The following BLOC1S3 variants were observed in gnomAD, a reference collection of about 807,000 sequenced individuals.
BLOC1S3 encodes the protein biogenesis of lysosomal organelles complex 1 subunit 3, also known as biogenesis of lysosome-related organelles complex 1 subunit 3.
Under a neutral mutation model 9.1 loss-of-function variants are expected in BLOC1S3, and 7 were observed. The ratio of observed to expected loss-of-function variants is 0.77; its 90% CI spans 0.44 to 1.45. BLOC1S3 has a LOEUF of 1.45. Among genes scored for constraint, BLOC1S3 ranks in the 40% most tolerant of loss-of-function variants. The pLI, the probability that BLOC1S3 is intolerant of heterozygous loss-of-function variation, is 0.01. For synonymous variants in BLOC1S3, 145 were observed against 158.4 expected, an observed-to-expected ratio of 0.92 and a Z score of 0.64; for missense variants, 307 against 315.2, an observed-to-expected ratio of 0.97 and a Z score of 0.20.
At chr19:45,209,992 C>A (rs1299039601) in intron 3 of BLOC1S3, among the ~76,000 whole-genome samples, 1 of 152,136 alleles carries the variant, frequency 6.6e-6, no homozygotes, top group Non-Finnish European at 1.5e-5. Context: ...AGCCACCTCC[C>A]AAAGTGCTGG....
chr19:45,186,788 A>AT (rs1465011540), downstream of BLOC1S3, among the ~76,000 whole-genome samples: 3 of 152,192 alleles, frequency 2.0e-5, no homozygotes, highest in Non-Finnish European at 4.4e-5. Context: ...TTACTGGGAC[A>AT]TTGGAGGCCC....
intron 3 of BLOC1S3, among the ~76,000 whole-genome samples, chr19:45,210,139 T>C (rs939652933): frequency 2.0e-5 from 3 of 152,060 alleles, no homozygotes; most frequent in African/African-American, 7.2e-5. Flanking sequence ...AAGTCCAAAA[T>C]AGGTAGATTA....
intron 3 of BLOC1S3, among the ~76,000 whole-genome samples, chr19:45,204,486 C>T (rs543933735): frequency 3.3e-5 from 5 of 152,228 alleles, no homozygotes; most frequent in African/African-American, 1.2e-4. Flanking sequence ...AGCTACTGCA[C>T]CCTGCCAAAT....
chr19:45,208,164 G>A (rs987855152), intron 3 of BLOC1S3, among the ~76,000 whole-genome samples: 2 of 149,550 alleles, frequency 1.3e-5, no homozygotes, highest in South Asian at 2.1e-4. Context: ...TAGTAGAGAC[G>A]GGTTTTGCCA....
chr19:45,216,438 G>A (rs1274347050), intron 3 of BLOC1S3, among the ~76,000 whole-genome samples: 2 of 152,032 alleles, frequency 1.3e-5, no homozygotes, highest in Non-Finnish European at 2.9e-5. Flanking sequence ...AATTAGCCAG[G>A]CGTGGTGGTG....
At chr19:45,200,227 G>C (rs1208367309) in intron 2 of BLOC1S3, among the ~76,000 whole-genome samples, 2 of 147,180 alleles carry the variant, frequency 1.4e-5, no homozygotes, top group African/African-American at 5.0e-5. Context: ...TGTCGCCCAG[G>C]CTGGGGTGCA....
chr19:45,190,755 A>C (rs898913141), intron 2 of BLOC1S3, among the ~76,000 whole-genome samples: 1 of 116,108 alleles, frequency 8.6e-6, no homozygotes, highest in Non-Finnish European at 2.0e-5. Flanking sequence ...CTGTCTCTCT[A>C]TGATTGGTCA....
intron 2 of BLOC1S3, among the ~76,000 whole-genome samples, chr19:45,197,824 C>CAA (rs55654938): frequency 7.1e-3 from 449 of 63,146 alleles, no homozygotes; most frequent in East Asian, 9.6e-3. Context: ...GACTCCGTCT[C>CAA]AAAAAAAAAA....
intron 2 of BLOC1S3, among the ~76,000 whole-genome samples, chr19:45,199,747 CCTCCT>C (rs921301210): frequency 6.6e-6 from 1 of 151,366 alleles, no homozygotes; most frequent in African/African-American, 2.4e-5. Context: ...CTTCTCTTCT[CCTCCT>C]CTCCTCTCCT....
intron 3 of BLOC1S3, among the ~76,000 whole-genome samples, chr19:45,216,506 G>A (rs1969836684): frequency 6.6e-6 from 1 of 152,084 alleles, no homozygotes; most frequent in African/African-American, 2.4e-5. Context: ...TTGAAATCGA[G>A]AGGCAGAGGT....
chr19:45,196,114 AAC>A (rs1416150092), intron 2 of BLOC1S3, among the ~76,000 whole-genome samples: 1 of 152,236 alleles, frequency 6.6e-6, no homozygotes, highest in Non-Finnish European at 1.5e-5. Context: ...CTTGGAAAGA[AAC>A]ACATTTCCAG....
At chr19:45,189,793 AC>A (rs1159413892) in intron 2 of BLOC1S3, among the ~76,000 whole-genome samples, 5 of 151,736 alleles carry the variant, frequency 3.3e-5, no homozygotes, top group Non-Finnish European at 5.9e-5. Flanking sequence ...ACATTTGAAT[AC>A]CGATATCCTT....
rs189288588 is a variant in BLOC1S3 at position 45,211,875 on chromosome 19, G to A, written n.283-4801G>A. Among the ~76,000 whole-genome samples the A allele has an allele frequency of 3.8e-4, 58 of 152,210 alleles. No homozygotes were observed. In the East Asian group the frequency reaches 6.8e-3, roughly 18 times the overall value. ...ATCCATCACGGGCTGTCCAGCCCAG[G>A]CCGGAGGGGCAGGAGTCAGCAGGGA... On this transcript the variant is annotated intron_variant and non_coding_transcript_variant, in intron 3 of 3. Transcript: ENST00000591569.
intron 3 of BLOC1S3, chr19:45,213,252 T>C (rs1438968753): frequency 6.2e-7 from 1 of 1,612,994 alleles, no homozygotes; most frequent in Admixed American, 1.7e-5. Context: ...GTGACAGGGC[T>C]CCCTCCTCAG....
At position 45,179,801 on chromosome 19, in the gene BLOC1S3, G is replaced by T. The variant is rs200799185; in HGVS notation, c.505G>T (p.Ala169Ser). ...SVRLARGDLC[A>S]LAERLDIVAG... ...GCGCCTGGCGCGCGGGGACCTTTGTGCGCTGGCCGAGCGTCTGGACATCGT... is the reference window on the plus strand; with the variant it reads ...GCGCCTGGCGCGCGGGGACCTTTGTTCGCTGGCCGAGCGTCTGGACATCGT... Residue 169 changes from alanine (A) to serine (S), a missense_variant, in exon 2 of 2, where the codon GCG becomes TCG. Ala to Ser is a moderately conservative substitution (Grantham distance 99, BLOSUM62 1). Coordinates refer to ENST00000433642, the MANE Select transcript of BLOC1S3 (RefSeq NM_212550.5). The surrounding 1 kb of genome is among the most constrained non-coding windows in gnomAD (Gnocchi z 4.6). 1.2e-4 allele frequency: 196 copies of T among 1,600,578 alleles called. No homozygotes were observed. Among genetic ancestry groups the T allele is most frequent in the Non-Finnish European group, 1.6e-4 (188 of 1,176,042 alleles).
intron 3 of BLOC1S3, among the ~76,000 whole-genome samples, chr19:45,206,623 AT>A (rs77449388): frequency 0.41 from 55,240 of 133,362 alleles, 12,339 homozygotes; most frequent in African/African-American, 0.62. Context: ...ACCTAGTTAA[AT>A]TTTTTTTTTT....
chr19:45,183,493 G>A (rs564589315), downstream of BLOC1S3, among the ~76,000 whole-genome samples: 3 of 150,832 alleles, frequency 2.0e-5, no homozygotes, highest in Non-Finnish European at 4.4e-5. Context: ...AAAAAAAGTA[G>A]GTGCGGATCA....
rs201441961 is a variant in BLOC1S3 at position 45,179,786 on chromosome 19, C to T, written c.490C>T (p.Arg164Cys). ...LAAAHSVRLA[R>C]GDLCALAERL... is the part of the protein sequence containing the mutation. ...GGCGGCCCACAGCGTGCGCCTGGCG[C>T]GCGGGGACCTTTGTGCGCTGGCCGA... Residue 164 changes from arginine to cysteine, a missense_variant, in exon 2 of 2, where the codon CGC becomes TGC. Coordinates refer to ENST00000433642, the MANE Select transcript of BLOC1S3 (RefSeq NM_212550.5). This position sits in a 1 kb window ranked among gnomAD's most constrained non-coding sequence, Gnocchi z 4.6. 1.0e-4 allele frequency: 159 copies of T among 1,575,456 alleles called. No individual in the cohort carries two copies. In the African/African-American group the frequency reaches 2.0e-3, roughly 20 times the overall value.
At chr19:45,216,375 T>A (rs2122955192) in intron 3 of BLOC1S3, among the ~76,000 whole-genome samples, 1 of 152,086 alleles carries the variant, frequency 6.6e-6, no homozygotes, top group Non-Finnish European at 1.5e-5. Flanking sequence ...GGTCAGGACA[T>A]CGAGACCAAC....
Sources: allele counts gnomAD v4.1 joint callset (sites outside exome capture counted in the v4.1 genomes callset), GRCh38; gene constraint gnomAD v4.1.1; non-coding constraint Gnocchi (gnomAD v3.1); transcripts MANE v1.5; gene names NCBI Gene and HGNC (gene_info 2026-07-23, HGNC 2026-07-21).